CPS1: variants seen among roughly 807,000 people sequenced by gnomAD.
CPS1 encodes the protein carbamoyl-phosphate synthase [ammonia], mitochondrial.
In CPS1, 109 loss-of-function variants were observed where a neutral mutation model predicts 174.6. The observed-to-expected ratio is 0.62, with a 90% CI of 0.53 to 0.73. The LOEUF (loss-of-function observed/expected upper bound fraction) is 0.73, where lower values mean the gene tolerates loss of function less well. Among genes scored for constraint, CPS1 ranks in the 30% least tolerant of loss-of-function variants. CPS1 has a pLI of 0.00. For missense variants in CPS1, 1,689 were observed against 1,821.9 expected (o/e 0.93, Z 1.33); for synonymous variants, 637 against 632.0 (o/e 1.01, Z -0.12).
intron 1 of CPS1, among the ~76,000 whole-genome samples, chr2:210,507,610 A>G (rs1695326122): frequency 6.6e-6 from 1 of 151,452 alleles, no homozygotes; most frequent in Non-Finnish European, 1.5e-5. Context: ...AAGACCCATC[A>G]GTGTGCTGTA....
At position 210,634,798 on chromosome 2, in the gene CPS1, A is replaced by C. The variant is rs904954521; in HGVS notation, c.2688-2904A>C. 4.6e-5 allele frequency among the ~76,000 whole-genome samples: 7 copies of C among 152,328 alleles called. No individual in the cohort carries two copies. In the South Asian group the frequency reaches 8.3e-4, roughly 18 times the overall value. On this transcript the variant is annotated intron_variant, in intron 21 of 37. Transcript: ENST00000233072. ...CGTACTCACTAAATGTTAAAGCAGTAATGACAATGAATGTGGCTACCCTCA... is the reference window on the plus strand; with the variant it reads ...CGTACTCACTAAATGTTAAAGCAGTCATGACAATGAATGTGGCTACCCTCA...
In CPS1 at chr2:210,616,558, C is replaced by A; in HGVS notation, c.2687+17C>A. On this transcript the variant is annotated intron_variant, in intron 21 of 37. Coordinates refer to ENST00000233072, the MANE Select transcript of CPS1 (RefSeq NM_001875.5). Reference sequence around the variant, plus strand: ...CCTCAACAGGTAAGGCAGTGCTGCTCTCATTCATGCCAGACACCTTCAGTG... The same window carrying A: ...CCTCAACAGGTAAGGCAGTGCTGCTATCATTCATGCCAGACACCTTCAGTG... The A allele has an allele frequency of 1.4e-6, 2 of 1,426,620 alleles. No homozygotes were observed. Among genetic ancestry groups the A allele is most frequent in the Non-Finnish European group, 2.0e-6 (2 of 1,010,936 alleles). 88.4% of individuals were successfully genotyped at this position (1,426,620 alleles called of 1,614,324 possible).
chr2:210,489,720 A>G (rs918990809), intron 1 of CPS1, among the ~76,000 whole-genome samples: 1 of 152,226 alleles, frequency 6.6e-6, no homozygotes, highest in African/African-American at 2.4e-5. Flanking sequence ...GCTTTCTTCC[A>G]TACTATTATA....
intron 1 of CPS1, among the ~76,000 whole-genome samples, chr2:210,505,354 G>A (rs1422751422): frequency 6.6e-6 from 1 of 151,986 alleles, no homozygotes; most frequent in African/African-American, 2.4e-5. Flanking sequence ...GTCCTTGCTA[G>A]AAAACAGTGA....
chr2:210,569,324 C>T (rs183326422), intron 1 of CPS1, among the ~76,000 whole-genome samples: 14 of 151,992 alleles, frequency 9.2e-5, no homozygotes, highest in Non-Finnish European at 1.6e-4. Flanking sequence ...CAGACCTCTC[C>T]GAGAAAATGA....
chr2:210,528,578 C>T (rs1000119100), intron 1 of CPS1, among the ~76,000 whole-genome samples: 1 of 151,796 alleles, frequency 6.6e-6, no homozygotes, highest in Non-Finnish European at 1.5e-5. Context: ...GCTGGATTAA[C>T]CAAACAATAG....
At chr2:210,642,267 G>A (rs1236122345) in intron 24 of CPS1, among the ~76,000 whole-genome samples, 1 of 152,124 alleles carries the variant, frequency 6.6e-6, no homozygotes, top group Non-Finnish European at 1.5e-5. Context: ...TATATGACAA[G>A]CCCAATATTT....
chr2:210,658,561 C>A, intron 30 of CPS1, 38 bp from the exon 31 acceptor site: 1 of 1,559,262 alleles, frequency 6.4e-7, no homozygotes, highest in South Asian at 1.1e-5. Context: ...CTAAGATATG[C>A]TCTTTAGCAC....
At chr2:210,514,843 T>A (rs1695634151) in intron 1 of CPS1, among the ~76,000 whole-genome samples, 1 of 151,240 alleles carries the variant, frequency 6.6e-6, no homozygotes, top group Non-Finnish European at 1.5e-5. Flanking sequence ...CATAGATGAC[T>A]CTTCTTATTT....
rs534349704 is a variant in CPS1 at position 210,615,475 on chromosome 2, A to G, written c.2569-948A>G. ...AGAAAAGTAAGCTCCCTGGGCTGAA[A>G]TATACCAGCAGAGTTACTAGTTGCA... On this transcript the variant is annotated intron_variant, in intron 20 of 37. Transcript: ENST00000233072. Among the ~76,000 whole-genome samples the G allele has an allele frequency of 9.9e-5, 15 of 152,114 alleles. 1 individual carries two copies. Among genetic ancestry groups the G allele is most frequent in the African/African-American group, 3.6e-4 (15 of 41,548 alleles).
At chr2:210,546,852 C>T (rs1229333196) in intron 1 of CPS1, among the ~76,000 whole-genome samples, 1 of 152,116 alleles carries the variant, frequency 6.6e-6, no homozygotes, top group Non-Finnish European at 1.5e-5. Flanking sequence ...TTCTTATCTA[C>T]ACCCCTTCTT....
intron 1 of CPS1, among the ~76,000 whole-genome samples, chr2:210,566,441 C>T (rs944263040): frequency 6.6e-6 from 1 of 152,104 alleles, no homozygotes; most frequent in Non-Finnish European, 1.5e-5. Flanking sequence ...CTTGACATTT[C>T]ACTTTGACAA....
At chr2:210,536,817 A>G (rs1696267834) in intron 1 of CPS1, among the ~76,000 whole-genome samples, 1 of 152,170 alleles carries the variant, frequency 6.6e-6, no homozygotes, top group African/African-American at 2.4e-5. Context: ...TAAGAGAGAA[A>G]GAGCGTAAGA....
At chr2:210,491,292 G>A (rs1694866996) in intron 1 of CPS1, among the ~76,000 whole-genome samples, 1 of 123,234 alleles carries the variant, frequency 8.1e-6, no homozygotes, top group East Asian at 2.4e-4. Context: ...GTAAAAGCAT[G>A]TATTTGGTAT....
Position 210,650,350 on chromosome 2 carries a change from C to A in CPS1, c.3405-13C>A, listed in dbSNP as rs749173940. 4.3e-6 allele frequency: 7 copies of A among 1,611,588 alleles called. No individual in the cohort carries two copies. In the South Asian group the frequency reaches 7.7e-5, roughly 18 times the overall value. On this transcript the variant is annotated splice_polypyrimidine_tract_variant and intron_variant, in intron 27 of 37. Coordinates refer to ENST00000233072, the MANE Select transcript of CPS1 (RefSeq NM_001875.5). ...ATAAACCTGACCTGCTTTTTTTCCCCTTCCTTTTCCAGTGGGTCTGCTATG... is the reference window on the plus strand; with the variant it reads ...ATAAACCTGACCTGCTTTTTTTCCCATTCCTTTTCCAGTGGGTCTGCTATG...
In CPS1 at chr2:210,593,480, A is replaced by G. The variant is rs949765289; in HGVS notation, c.1164+524A>G. Reference sequence around the variant, plus strand: ...CAGAAAAGAACCACAAGGAATGCTTAGAGGAGTTTTGTATTTAATCTAAAT... The same window carrying G: ...CAGAAAAGAACCACAAGGAATGCTTGGAGGAGTTTTGTATTTAATCTAAAT... On this transcript the variant is annotated intron_variant, in intron 11 of 37. Transcript: ENST00000233072. 3 of 991,032 alleles carry G rather than the reference A, an allele frequency of 3.0e-6. No individual in the cohort carries two copies. In the African/African-American group the frequency reaches 5.2e-5, roughly 17 times the overall value. 61.4% of individuals were successfully genotyped at this position (991,032 alleles called of 1,614,324 possible). A position where few individuals can be genotyped will look rare whatever the true frequency, so the allele number is the denominator to read the frequency against.
intron 1 of CPS1, among the ~76,000 whole-genome samples, chr2:210,497,239 G>A (rs1250952749): frequency 6.6e-6 from 1 of 152,068 alleles, no homozygotes; most frequent in African/African-American, 2.4e-5. Context: ...TCATAAAGAA[G>A]AATTTATCCT....
Position 210,611,439 on chromosome 2 carries a change from A to T in CPS1, c.2392-678A>T, listed in dbSNP as rs1163080352. On this transcript the variant is annotated intron_variant, in intron 19 of 37. Transcript: ENST00000233072. ...AAATAACTGGGTAGGTTGCAAGATCAATTTAAGTTTAGTTCTGACATGCAA... is the reference window on the plus strand; with the variant it reads ...AAATAACTGGGTAGGTTGCAAGATCTATTTAAGTTTAGTTCTGACATGCAA... Among the ~76,000 whole-genome samples, 4 of 151,970 alleles carry T rather than the reference A, an allele frequency of 2.6e-5. No homozygotes were observed. The East Asian group carries it at 7.8e-4, about 30-fold the overall frequency.
intron 17 of CPS1, among the ~76,000 whole-genome samples, chr2:210,605,910 TA>T (rs1369951375): frequency 1.3e-5 from 2 of 151,802 alleles, no homozygotes; most frequent in African/African-American, 4.8e-5. Flanking sequence ...CATTTAGATT[TA>T]TAGGGCAGGG....
Sources: gnomAD v4.1 joint callset for allele counts (sites outside exome capture counted in the v4.1 genomes callset) on GRCh38, gnomAD v4.1.1 for gene constraint, MANE v1.5 for transcripts, NCBI Gene and HGNC (gene_info 2026-07-23, HGNC 2026-07-21) for gene names.